Variants in SLIT2 observed in about 807,000 individuals in gnomAD.
SLIT2 encodes the protein slit homolog 2 protein.
In SLIT2, 41 loss-of-function variants were observed where a neutral mutation model predicts 185.7. The ratio of observed to expected loss-of-function variants is 0.22; its 90% CI spans 0.17 to 0.29. SLIT2 has a LOEUF of 0.29. Among genes scored for constraint, SLIT2 ranks in the 10% least tolerant of loss-of-function variants. The probability of loss-of-function intolerance (pLI) is 1.00; values close to 1 mark genes in which losing one functional copy is unlikely to be tolerated. For missense variants in SLIT2, 1,571 were observed against 1,909.0 expected, an observed-to-expected ratio of 0.82 and a Z score of 3.30; for synonymous variants, 693 against 680.2, an observed-to-expected ratio of 1.02 and a Z score of -0.29.
At chr4:20,396,473 G>C (rs977724507) in intron 4 of SLIT2, among the ~76,000 whole-genome samples, 1 of 151,672 alleles carries the variant, frequency 6.6e-6, no homozygotes, top group African/African-American at 2.4e-5. Flanking sequence ...TTTATGCTTG[G>C]TTGTTTTCAT....
At chr4:20,368,219 C>CAAAAAAAAAAAAAAGAAAAAAAAAAA (rs1723273594) in intron 4 of SLIT2, among the ~76,000 whole-genome samples, 2 of 107,430 alleles carry the variant, frequency 1.9e-5, no homozygotes, top group Non-Finnish European at 3.7e-5. Context: ...CACAAAATAG[C>CAAAAAAAAAAAAAAGAAAAAAAAAAA]AAAAAAAAAA....
intron 4 of SLIT2, among the ~76,000 whole-genome samples, chr4:20,404,128 A>G (rs1408204983): frequency 1.3e-5 from 2 of 152,002 alleles, no homozygotes; most frequent in Non-Finnish European, 2.9e-5. Flanking sequence ...AGTCAACAAC[A>G]GAGAACATAC....
At chr4:20,333,906 G>C (rs974001676) in intron 4 of SLIT2, among the ~76,000 whole-genome samples, 54 of 152,082 alleles carry the variant, frequency 3.6e-4, no homozygotes, top group Middle Eastern at 3.2e-3. Context: ...CATTTGCTTT[G>C]GATTGTTGCC....
At chr4:20,572,098 T>G (rs1577949272) in intron 29 of SLIT2, among the ~76,000 whole-genome samples, 1 of 152,238 alleles carries the variant, frequency 6.6e-6, no homozygotes, top group African/African-American at 2.4e-5. Context: ...GTTACTGATT[T>G]GTTAGAGGAG....
intron 4 of SLIT2, 151 bp downstream of exon 4, chr4:20,269,032 G>A: frequency 1.7e-6 from 1 of 599,196 alleles, no homozygotes; most frequent in Non-Finnish European, 3.0e-6. Flanking sequence ...GGAAATTTAT[G>A]ATTTGTTTTC....
At chr4:20,464,391 C>T (rs1458830369) in intron 4 of SLIT2, among the ~76,000 whole-genome samples, 1 of 152,118 alleles carries the variant, frequency 6.6e-6, no homozygotes, top group Non-Finnish European at 1.5e-5. Flanking sequence ...ATGAAAAAAT[C>T]TGAAACTCAA....
At chr4:20,490,029 A>C (rs1201830659) in intron 8 of SLIT2, 1 of 152,304 alleles carries the variant, frequency 6.6e-6, no homozygotes, top group Non-Finnish European at 1.5e-5. Context: ...TGGAGCTTGC[A>C]GTGAGCCGAG....
chr4:20,347,605 GT>G (rs1216613157), intron 4 of SLIT2, among the ~76,000 whole-genome samples: 2 of 152,160 alleles, frequency 1.3e-5, no homozygotes, highest in Non-Finnish European at 2.9e-5. Context: ...ATCCTTAAGA[GT>G]TTTGCCTTTT....
intron 15 of SLIT2, among the ~76,000 whole-genome samples, chr4:20,526,854 C>G (rs1358812332): frequency 6.6e-6 from 1 of 152,132 alleles, no homozygotes; most frequent in Non-Finnish European, 1.5e-5. Flanking sequence ...ACCTAACAAG[C>G]CACCATAAAA....
At chr4:20,575,520 A>G (rs1726013984) in intron 29 of SLIT2, among the ~76,000 whole-genome samples, 1 of 152,214 alleles carries the variant, frequency 6.6e-6, no homozygotes, top group Admixed American at 6.5e-5. Context: ...CCTTGTAAGT[A>G]GAGGCCCAGA....
At chr4:20,317,730 A>G (rs996921809) in intron 4 of SLIT2, among the ~76,000 whole-genome samples, 2 of 152,052 alleles carry the variant, frequency 1.3e-5, no homozygotes, top group Admixed American at 6.6e-5. Context: ...TCATATGCCA[A>G]AATTGTGTGT....
chr4:20,488,936 A>G lies in SLIT2; in HGVS notation c.729A>G (p.Arg243=). ...AGTGTATGGGCCCCTCCCACCTGAG[A>G]GGCCATAATGTAGCCGAGGTTCAAA... ...YTQCMGPSHL[R]GHNVAEVQKR... Residue 243 remains arginine (R), a synonymous_variant, in exon 8 of 37, where the codon AGA becomes AGG. Coordinates refer to ENST00000504154, the MANE Select transcript of SLIT2 (RefSeq NM_004787.4). 6.2e-7 allele frequency: 1 copy of G among 1,611,854 alleles called. No individual in the cohort carries two copies. The highest frequency in any genetic ancestry group is 8.5e-7 in the Non-Finnish European group (1 of 1,178,214).
intron 20 of SLIT2, 30 bp from the exon 21 acceptor site, chr4:20,542,464 T>A: frequency 6.2e-7 from 1 of 1,611,064 alleles, no homozygotes; most frequent in Non-Finnish European, 8.5e-7. Flanking sequence ...CCACAAATCT[T>A]GGTTTTCCTG....
chr4:20,493,301 G>C (rs1286212044), intron 9 of SLIT2, among the ~76,000 whole-genome samples: 1 of 151,824 alleles, frequency 6.6e-6, no homozygotes, highest in African/African-American at 2.4e-5. Flanking sequence ...TGAAGATGTT[G>C]ACACTTGATG....
chr4:20,378,347 C>G (rs1724206919), intron 4 of SLIT2, among the ~76,000 whole-genome samples: 1 of 152,096 alleles, frequency 6.6e-6, no homozygotes, highest in Admixed American at 6.6e-5. Context: ...GCTAACTTAA[C>G]AATGTGATTA....
chr4:20,483,069 T>A (rs966439502), intron 6 of SLIT2, among the ~76,000 whole-genome samples: 1 of 152,126 alleles, frequency 6.6e-6, no homozygotes, highest in African/African-American at 2.4e-5. Context: ...TCGTGACTCT[T>A]TAGGATGTAC....
At chr4:20,539,943 T>A (rs1722659557) in intron 19 of SLIT2, among the ~76,000 whole-genome samples, 1 of 152,062 alleles carries the variant, frequency 6.6e-6, no homozygotes, top group East Asian at 1.9e-4. Context: ...TCAGTATAAG[T>A]ATTATAAAAG....
chr4:20,473,929 T>TA, intron 5 of SLIT2, among the ~76,000 whole-genome samples: 1 of 152,196 alleles, frequency 6.6e-6, no homozygotes, highest in East Asian at 1.9e-4. Context: ...TTTTTCTGTT[T>TA]AGTTCATTGG....
chr4:20,600,677 A>G (rs1728344224), intron 33 of SLIT2, among the ~76,000 whole-genome samples: 1 of 151,900 alleles, frequency 6.6e-6, no homozygotes, highest in South Asian at 2.1e-4. Flanking sequence ...TCCATTTCAT[A>G]TTCTTTATTA....
Sources: gnomAD v4.1 joint callset for allele counts (sites outside exome capture counted in the v4.1 genomes callset) on GRCh38, gnomAD v4.1.1 for gene constraint, MANE v1.5 for transcripts, NCBI Gene and HGNC (gene_info 2026-07-23, HGNC 2026-07-21) for gene names.